The following AMDHD2 variants were observed in gnomAD, a reference collection of about 807,000 sequenced individuals.
The protein encoded by AMDHD2 is amidohydrolase domain containing 2, also known as N-acetylglucosamine-6-phosphate deacetylase.
AMDHD2 carries 24 observed loss-of-function variants against 41.8 expected under a neutral mutation model. The observed-to-expected ratio is 0.57, with a 90% CI of 0.42 to 0.81. The LOEUF (loss-of-function observed/expected upper bound fraction) is 0.81, where lower values mean the gene tolerates loss of function less well. AMDHD2 is among the 30% of genes least tolerant of loss of function. The pLI, the probability that AMDHD2 is intolerant of heterozygous loss-of-function variation, is 0.00. For synonymous variants in AMDHD2, 332 were observed against 255.5 expected (o/e 1.30, Z -2.85); for missense variants, 540 against 588.5 (o/e 0.92, Z 0.85).
At position 2,528,543 on chromosome 16, in the gene AMDHD2, G is replaced by T; in HGVS notation, c.954G>T (p.Leu318=). Residue 318 remains leucine (L), a synonymous_variant, in exon 8 of 11, where the codon CTG becomes CTT. Transcript: ENST00000293971. ...AGCAGGAAGTGGAAGTGGACGGTCTGACGGCCTACGTGGCAGGTGAGCGCC... is the reference window on the plus strand; with the variant it reads ...AGCAGGAAGTGGAAGTGGACGGTCTTACGGCCTACGTGGCAGGTGAGCGCC... ...LGQQEVEVDG[L]TAYVAGTKTL... is the part of the protein sequence containing the mutation. 6.2e-7 allele frequency: 1 copy of T among 1,612,680 alleles called. No individual in the cohort carries two copies. Among genetic ancestry groups the T allele is most frequent in the Non-Finnish European group, 8.5e-7 (1 of 1,179,928 alleles).
At chr16:2,526,902 C>T (rs983620771) in intron 3 of AMDHD2, among the ~76,000 whole-genome samples, 3 of 152,134 alleles carry the variant, frequency 2.0e-5, no homozygotes, top group Admixed American at 1.3e-4. Flanking sequence ...TGCACTCCAG[C>T]CTGGGCGACA....
chr16:2,528,174 G>A (rs367845665), intron 6 of AMDHD2, 26 bp downstream of exon 6: 100 of 1,612,368 alleles, frequency 6.2e-5, no homozygotes, highest in South Asian at 1.2e-4. Context: ...CCCCAGGGGC[G>A]GGGCTGGGGT....
intron 9 of AMDHD2, 62 bp from the exon 10 acceptor site, chr16:2,528,932 G>A: frequency 6.6e-7 from 1 of 1,516,440 alleles, no homozygotes; most frequent in African/African-American, 1.4e-5. Flanking sequence ...TGGTGTGGTT[G>A]GGGGCTGTTG....
At chr16:2,525,008 A>G (rs2065985575) in intron 3 of AMDHD2, among the ~76,000 whole-genome samples, 1 of 151,368 alleles carries the variant, frequency 6.6e-6, no homozygotes, top group Non-Finnish European at 1.5e-5. Flanking sequence ...TCTTGGCTCT[A>G]ACCCAATTCC....
chr16:2,521,997 G>A (rs957451691), intron 3 of AMDHD2, among the ~76,000 whole-genome samples: 4 of 151,900 alleles, frequency 2.6e-5, no homozygotes, highest in African/African-American at 9.7e-5. Flanking sequence ...TGTTAGCCAG[G>A]ATGGTCTCGA....
In AMDHD2 at chr16:2,528,351, T is replaced by C; in HGVS notation, c.833T>C (p.Leu278Pro). 1 of 1,612,798 alleles carries C rather than the reference T, an allele frequency of 6.2e-7. No individual in the cohort carries two copies. The highest frequency in any genetic ancestry group is 1.1e-5 in the South Asian group (1 of 91,088). Residue 278 changes from leucine (L) to proline (P), a missense_variant, in exon 7 of 11, where the codon CTG becomes CCG. By Grantham distance (98) the Leu-to-Pro change is moderately conservative (BLOSUM62 -3). Coordinates refer to ENST00000293971, the MANE Select transcript of AMDHD2 (RefSeq NM_001330449.2). ...GGCACGCACACCAACCCCGCCGCCC[T>C]GCGGATCGCCCACCGTGCCCATCCC... ...ADGTHTNPAA[L>P]RIAHRAHPQG...
In AMDHD2 at chr16:2,530,943, GGGCCTGGGAGA is replaced by G; in HGVS notation, c.*1383_*1393del. ...TGGCTGTCCAGCGCCTGCCTGTGCT[GGGCCTGGGAGA>G]GGAGCTGTCTTGCCAGGGCTCCCAG... is the stretch of plus-strand genomic sequence containing the variant. On this transcript the variant is annotated 3_prime_UTR_variant, in exon 11 of 11. Coordinates refer to ENST00000293971, the MANE Select transcript of AMDHD2 (RefSeq NM_001330449.2). 6.2e-7 allele frequency: 1 copy of G among 1,613,532 alleles called. No homozygotes were observed.
chr16:2,521,870 G>A (rs2065943636), intron 3 of AMDHD2, among the ~76,000 whole-genome samples: 2 of 139,576 alleles, frequency 1.4e-5, no homozygotes, highest in Admixed American at 1.5e-4. Context: ...TGCAGGCTCC[G>A]CCCCCCAGGG....
In AMDHD2 at chr16:2,529,458, G is replaced by T; in HGVS notation, c.1142-17G>T. 6.2e-7 allele frequency: 1 copy of T among 1,608,406 alleles called. No individual in the cohort carries two copies. ...GCCCCACTCCTGCCCCCTACTCATT[G>T]CCCGGCTCTGTCCCAGACTTCGTGG... On this transcript the variant is annotated splice_polypyrimidine_tract_variant and intron_variant, in intron 10 of 10. Transcript: ENST00000293971.
chr16:2,522,385 T>A (rs2065952682), intron 3 of AMDHD2, among the ~76,000 whole-genome samples: 1 of 152,104 alleles, frequency 6.6e-6, no homozygotes, highest in Non-Finnish European at 1.5e-5. Context: ...ACCCGACTAA[T>A]TTAAAAAGCT....
In AMDHD2 at chr16:2,531,290, G is replaced by T; in HGVS notation, c.*1727G>T. 1 of 588,446 alleles carries T rather than the reference G, an allele frequency of 1.7e-6. No individual in the cohort carries two copies. The highest frequency in any genetic ancestry group is 3.0e-6 in the Non-Finnish European group (1 of 328,220). The allele number at this position is 588,446 out of a possible 1,614,324, so 36.5% of individuals were successfully genotyped here. ...TGGTGGGAGAGGGGCCCAGGGTCAGGGTGAGAGAGAGCTGGGCCAGGGAGC... is the reference window on the plus strand; with the variant it reads ...TGGTGGGAGAGGGGCCCAGGGTCAGTGTGAGAGAGAGCTGGGCCAGGGAGC... On this transcript the variant is annotated 3_prime_UTR_variant, in exon 11 of 11. Transcript: ENST00000293971.
intron 3 of AMDHD2, among the ~76,000 whole-genome samples, chr16:2,522,052 G>A (rs1247601168): frequency 2.6e-5 from 4 of 152,074 alleles, no homozygotes; most frequent in Non-Finnish European, 5.9e-5. Flanking sequence ...CCAAAGTGCT[G>A]GGATTACAGG....
At chr16:2,529,130 G>A (rs1358564228) in intron 10 of AMDHD2, 35 bp downstream of exon 10, 4 of 1,501,366 alleles carry the variant, frequency 2.7e-6, no homozygotes, top group Non-Finnish European at 3.6e-6. Flanking sequence ...GGGCAGCCTG[G>A]CCCTGCCTGT....
chr16:2,521,554 C>T (rs1267271901), intron 3 of AMDHD2, among the ~76,000 whole-genome samples: 1 of 152,172 alleles, frequency 6.6e-6, no homozygotes. Context: ...AAGAGACTCC[C>T]CCTGCTCCTG....
At chr16:2,521,287 C>G (rs577148354) in intron 3 of AMDHD2, among the ~76,000 whole-genome samples, 164 bp downstream of exon 3, 11 of 150,082 alleles carry the variant, frequency 7.3e-5, no homozygotes, top group Non-Finnish European at 1.6e-4. Flanking sequence ...CCCTGTGCTT[C>G]TTTATCAGTT....
chr16:2,528,438 C>G lies in AMDHD2; in HGVS notation c.863-14C>G. On this transcript the variant is annotated splice_polypyrimidine_tract_variant and intron_variant, in intron 7 of 10. Coordinates refer to ENST00000293971, the MANE Select transcript of AMDHD2 (RefSeq NM_001330449.2). ...ATGACTGGGCTAGCAGGTTCTGAGCCTCTTCTCCCCCAGGGCTGGTGCTGG... is the reference window on the plus strand; with the variant it reads ...ATGACTGGGCTAGCAGGTTCTGAGCGTCTTCTCCCCCAGGGCTGGTGCTGG... The G allele has an allele frequency of 6.2e-7, 1 of 1,612,856 alleles. No individual in the cohort carries two copies. Among genetic ancestry groups the G allele is most frequent in the Non-Finnish European group, 8.5e-7 (1 of 1,179,928 alleles).
At chr16:2,529,120 G>T in intron 10 of AMDHD2, 25 bp downstream of exon 10, 1 of 1,517,128 alleles carries the variant, frequency 6.6e-7, no homozygotes, top group Non-Finnish European at 8.8e-7. Flanking sequence ...CAGGGTCACC[G>T]GGCAGCCTGG....
rs765833829 is a variant in AMDHD2, at chr16:2,530,240, T to C, written c.*677T>C. ...GTTTTCTCTTCTCAATAACCCTATC[T>C]CTTCACACATCCCCAGGCCCAGTGC... On this transcript the variant is annotated 3_prime_UTR_variant, in exon 11 of 11. Transcript: ENST00000293971. 9 of 1,596,434 alleles carry C rather than the reference T, an allele frequency of 5.6e-6. No homozygotes were observed. Among genetic ancestry groups the C allele is most frequent in the South Asian group, 5.6e-5 (5 of 89,380 alleles).
intron 10 of AMDHD2, 106 bp from the exon 11 acceptor site, chr16:2,529,369 C>A: frequency 6.5e-7 from 1 of 1,540,846 alleles, no homozygotes; most frequent in Admixed American, 1.7e-5. Context: ...CTAGTCGTGT[C>A]CCTGGGCCTC....
Sources: allele counts gnomAD v4.1 joint callset (sites outside exome capture counted in the v4.1 genomes callset), GRCh38; gene constraint gnomAD v4.1.1; transcripts MANE v1.5; gene names NCBI Gene and HGNC (gene_info 2026-07-23, HGNC 2026-07-21).